Variants in ARHGAP26 observed in about 807,000 individuals in gnomAD.
ARHGAP26 encodes the protein Rho GTPase activating protein 26, also known as rho GTPase-activating protein 26.
A neutral mutation model predicts 104.8 loss-of-function variants in ARHGAP26; 38 were observed. The ratio of observed to expected loss-of-function variants is 0.36; its 90% CI spans 0.28 to 0.48. ARHGAP26 has a LOEUF of 0.48. Ranked by LOEUF, ARHGAP26 falls within the 20% of genes least tolerant of loss-of-function variation. The pLI is 0.99. For synonymous variants in ARHGAP26, 341 were observed against 340.0 expected (o/e 1.00, Z -0.03); for missense variants, 704 against 947.9 (o/e 0.74, Z 3.38).
intron 1 of ARHGAP26, among the ~76,000 whole-genome samples, chr5:142,860,903 A>G (rs1753202080): frequency 1.3e-5 from 2 of 152,282 alleles, no homozygotes; most frequent in South Asian, 4.1e-4. Flanking sequence ...TTCAGCATGG[A>G]TAAGAACTGC....
intron 1 of ARHGAP26, among the ~76,000 whole-genome samples, chr5:142,849,967 A>G (rs1431800451): frequency 6.6e-6 from 1 of 152,092 alleles, no homozygotes; most frequent in African/African-American, 2.4e-5. Flanking sequence ...CACCACGCCA[A>G]CCACTGCTGG....
At position 143,224,989 on chromosome 5, in the gene ARHGAP26, A is replaced by T. The variant is rs1350799160; in HGVS notation, c.*2543A>T. 4.0e-5 allele frequency: 9 copies of T among 222,902 alleles called. No homozygotes were observed. The highest frequency in any genetic ancestry group is 7.2e-5 in the Non-Finnish European group (8 of 111,612). 13.8% of individuals were successfully genotyped at this position (222,902 alleles called of 1,614,324 possible). A position where few individuals can be genotyped will look rare whatever the true frequency, so the allele number is the denominator to read the frequency against. On this transcript the variant is annotated 3_prime_UTR_variant, in exon 23 of 23. Coordinates refer to ENST00000645722, the MANE Select transcript of ARHGAP26 (RefSeq NM_001135608.3). The stretch of plus-strand genomic sequence containing the variant: ...GGAATGAGAATTAAGAATGGACAGG[A>T]CCAAGACAGAACTCAAGAAAGCCAC...
intron 12 of ARHGAP26, among the ~76,000 whole-genome samples, chr5:143,026,744 T>G (rs1378257188): frequency 7.0e-6 from 1 of 143,780 alleles, no homozygotes; most frequent in Non-Finnish European, 1.5e-5. Flanking sequence ...CATGAGCTGA[T>G]GTATGTTTTT....
At chr5:142,900,536 C>T (rs1049746626) in intron 6 of ARHGAP26, among the ~76,000 whole-genome samples, 3 of 138,580 alleles carry the variant, frequency 2.2e-5, no homozygotes, top group Non-Finnish European at 3.0e-5. Flanking sequence ...CTGGCCTGCC[C>T]TCTGAGTTTA....
At chr5:142,772,661 C>A in intron 1 of ARHGAP26, 1 of 487,800 alleles carries the variant, frequency 2.1e-6, no homozygotes, top group Non-Finnish European at 4.2e-6. Context: ...GAAGCATTAC[C>A]TCTGAGTCAC....
intron 21 of ARHGAP26, among the ~76,000 whole-genome samples, chr5:143,209,786 A>C (rs1481325098): frequency 6.6e-6 from 1 of 152,042 alleles, no homozygotes; most frequent in Non-Finnish European, 1.5e-5. Context: ...ATCTCAAAAA[A>C]AAAAAAAATA....
intron 11 of ARHGAP26, among the ~76,000 whole-genome samples, chr5:142,971,501 C>T (rs1266816664): frequency 1.3e-5 from 2 of 152,136 alleles, no homozygotes; most frequent in East Asian, 3.9e-4. Flanking sequence ...CACTAATTAG[C>T]AGCGCTGCAG....
intron 17 of ARHGAP26, among the ~76,000 whole-genome samples, chr5:143,078,887 A>G (rs1789420591): frequency 6.6e-6 from 1 of 152,212 alleles, no homozygotes; most frequent in South Asian, 2.1e-4. Flanking sequence ...ACCGGTGGTT[A>G]TGGTAGCATC....
At chr5:142,928,495 A>G (rs565748766) in intron 10 of ARHGAP26, among the ~76,000 whole-genome samples, 27 of 152,286 alleles carry the variant, frequency 1.8e-4, no homozygotes, top group African/African-American at 6.3e-4. Context: ...GCAGAAGTGC[A>G]TGGCTGATTT....
At chr5:143,202,820 T>C (rs1040583208) in intron 20 of ARHGAP26, 1 of 152,228 alleles carries the variant, frequency 6.6e-6, no homozygotes, top group Admixed American at 6.5e-5. Context: ...AAACAAGCAA[T>C]GGGGAAAGGA....
At chr5:142,923,466 A>G (rs1004006629) in intron 10 of ARHGAP26, among the ~76,000 whole-genome samples, 4 of 152,196 alleles carry the variant, frequency 2.6e-5, no homozygotes, top group Admixed American at 2.6e-4. Context: ...GTTTGTTATC[A>G]ATAGTAGTAA....
chr5:142,836,213 C>A (rs1769529787), intron 1 of ARHGAP26, among the ~76,000 whole-genome samples: 1 of 152,222 alleles, frequency 6.6e-6, no homozygotes, highest in South Asian at 2.1e-4. Context: ...GTTGCTGCTT[C>A]ACTCAGTTAA....
At chr5:143,023,540 C>G (rs773182945) in intron 12 of ARHGAP26, among the ~76,000 whole-genome samples, 4 of 152,160 alleles carry the variant, frequency 2.6e-5, no homozygotes, top group Non-Finnish European at 5.9e-5. Context: ...TCTTTTGCTT[C>G]TAGTCACCTT....
At chr5:143,058,111 G>A (rs1260401684) in intron 17 of ARHGAP26, 2 of 463,742 alleles carry the variant, frequency 4.3e-6, no homozygotes, top group African/African-American at 2.0e-5. Flanking sequence ...ACAAAAATAT[G>A]TTGTGGGTTT....
intron 17 of ARHGAP26, among the ~76,000 whole-genome samples, chr5:143,093,059 G>A (rs1302019558): frequency 6.6e-6 from 1 of 152,072 alleles, no homozygotes; most frequent in African/African-American, 2.4e-5. Flanking sequence ...TGGGTTAAGG[G>A]AATTTTTAGT....
chr5:143,130,214 TG>T (rs1749755651), intron 18 of ARHGAP26, among the ~76,000 whole-genome samples: 1 of 152,236 alleles, frequency 6.6e-6, no homozygotes, highest in South Asian at 2.1e-4. Flanking sequence ...TTGGTATTTA[TG>T]GATCTGCTAA....
At chr5:142,854,708 T>C (rs145558910) in intron 1 of ARHGAP26, among the ~76,000 whole-genome samples, 12 of 152,308 alleles carry the variant, frequency 7.9e-5, no homozygotes, top group Non-Finnish European at 1.5e-4. Context: ...GTTACTGATA[T>C]GAGACCGAGT....
intron 17 of ARHGAP26, among the ~76,000 whole-genome samples, chr5:143,065,798 AC>A (rs1335875602): frequency 6.6e-6 from 1 of 152,214 alleles, no homozygotes; most frequent in Non-Finnish European, 1.5e-5. Flanking sequence ...GCATTCACAC[AC>A]GGATACGCTG....
At chr5:143,155,127 C>A (rs1322698075) in intron 20 of ARHGAP26, among the ~76,000 whole-genome samples, 2 of 152,168 alleles carry the variant, frequency 1.3e-5, no homozygotes, top group African/African-American at 4.8e-5. Context: ...CATTCCCCAC[C>A]TTTGGAAATA....
Sources: allele counts gnomAD v4.1 joint callset (sites outside exome capture counted in the v4.1 genomes callset), GRCh38; gene constraint gnomAD v4.1.1; transcripts MANE v1.5; gene names NCBI Gene and HGNC (gene_info 2026-07-23, HGNC 2026-07-21).